The following MGAT4C variants were observed in gnomAD, a reference collection of about 807,000 sequenced individuals.
MGAT4C encodes the protein alpha-1,3-mannosyl-glycoprotein 4-beta-N-acetylglucosaminyltransferase C.
A neutral mutation model predicts 40.1 loss-of-function variants in MGAT4C; 19 were observed. The ratio of observed to expected loss-of-function variants is 0.47; its 90% confidence interval spans 0.33 to 0.70. The LOEUF (loss-of-function observed/expected upper bound fraction) is 0.70. Among genes scored for constraint, MGAT4C ranks in the 30% least tolerant of loss-of-function variants. The probability of loss-of-function intolerance (pLI) is 0.02; values close to 1 mark genes in which losing one functional copy is unlikely to be tolerated. For missense variants in MGAT4C, 491 were observed against 563.2 expected (o/e 0.87, Z 1.30); for synonymous variants, 181 against 187.1 (o/e 0.97, Z 0.27).
At chr12:86,635,065 G>T (rs902803967) in intron 2 of MGAT4C, among the ~76,000 whole-genome samples, 3 of 151,990 alleles carry the variant, frequency 2.0e-5, no homozygotes, top group Admixed American at 2.0e-4. Context: ...TAGTATCTTT[G>T]TGCCTCCTAT....
At chr12:86,594,061 A>G (rs942124791) in intron 2 of MGAT4C, among the ~76,000 whole-genome samples, 2 of 152,188 alleles carry the variant, frequency 1.3e-5, no homozygotes. Flanking sequence ...TTAGGGTTCC[A>G]GTATACTCCG....
chr12:86,047,316 A>G (rs572242446), intron 2 of MGAT4C, among the ~76,000 whole-genome samples: 1 of 152,296 alleles, frequency 6.6e-6, no homozygotes, highest in African/African-American at 2.4e-5. Flanking sequence ...AAGACTGCAT[A>G]TTGGATCTAT....
At chr12:86,627,781 T>C (rs946418176) in intron 2 of MGAT4C, among the ~76,000 whole-genome samples, 4 of 152,040 alleles carry the variant, frequency 2.6e-5, no homozygotes, top group Admixed American at 1.3e-4. Context: ...ACCACACAGA[T>C]GGGGAGAAAC....
chr12:86,128,437 A>T (rs1566022807), intron 1 of MGAT4C, among the ~76,000 whole-genome samples: 1 of 151,932 alleles, frequency 6.6e-6, no homozygotes, highest in African/African-American at 2.4e-5. Flanking sequence ...CTGCTTTTGC[A>T]TCTTCCTCAT....
intron 2 of MGAT4C, among the ~76,000 whole-genome samples, 155 bp from the exon 3 acceptor site, chr12:85,989,707 C>A (rs1019103631): frequency 6.6e-6 from 1 of 151,852 alleles, no homozygotes; most frequent in Non-Finnish European, 1.5e-5. Flanking sequence ...TGGCACAGAT[C>A]ATTAATTAAT....
intron 2 of MGAT4C, among the ~76,000 whole-genome samples, chr12:86,504,184 T>C (rs925396179): frequency 6.6e-6 from 1 of 152,040 alleles, no homozygotes; most frequent in African/African-American, 2.4e-5. Context: ...AGTGAGGATG[T>C]AGAACAATTT....
chr12:86,710,749 C>T (rs1950542051), intron 2 of MGAT4C, among the ~76,000 whole-genome samples: 1 of 152,130 alleles, frequency 6.6e-6, no homozygotes, highest in Non-Finnish European at 1.5e-5. Context: ...ATGTTTATAG[C>T]AGCACAATTC....
At chr12:86,707,638 C>A (rs1020385385) in intron 2 of MGAT4C, among the ~76,000 whole-genome samples, 1 of 151,758 alleles carries the variant, frequency 6.6e-6, no homozygotes, top group African/African-American at 2.4e-5. Context: ...TCAAGTGATT[C>A]TCCTGCCTCG....
intron 2 of MGAT4C, among the ~76,000 whole-genome samples, chr12:86,047,988 T>A (rs1378430753): frequency 6.6e-6 from 1 of 151,906 alleles, no homozygotes; most frequent in African/African-American, 2.4e-5. Flanking sequence ...ATGAAATTGA[T>A]CATGAACAAC....
intron 2 of MGAT4C, among the ~76,000 whole-genome samples, chr12:86,555,026 C>G (rs1959541130): frequency 6.6e-6 from 1 of 151,934 alleles, no homozygotes; most frequent in Non-Finnish European, 1.5e-5. Flanking sequence ...TTTTCTTTCT[C>G]TCTCTGACCT....
intron 1 of MGAT4C, among the ~76,000 whole-genome samples, chr12:86,814,103 G>C (rs1034927406): frequency 2.0e-5 from 3 of 151,552 alleles, no homozygotes; most frequent in Non-Finnish European, 2.9e-5. Flanking sequence ...GTAGAGACAG[G>C]GTTTCACCGT....
At chr12:86,031,121 C>A (rs570880425) in intron 2 of MGAT4C, among the ~76,000 whole-genome samples, 1 of 150,274 alleles carries the variant, frequency 6.7e-6, no homozygotes, top group African/African-American at 2.4e-5. Context: ...TTTTTTTTTT[C>A]TTTTGAGTAC....
In MGAT4C at chr12:86,391,982, T is replaced by A. The variant is rs58830019; in HGVS notation, c.-120+43175A>T. On this transcript the variant is annotated intron_variant, in intron 3 of 7. Coordinates refer to the MGAT4C transcript ENST00000548651. Reference sequence around the variant, plus strand: ...ATAATGAGTCATTTATTTATCTTTTTAAAATTCTAGTTTTCTTACTGATGA... The same window carrying A: ...ATAATGAGTCATTTATTTATCTTTTAAAAATTCTAGTTTTCTTACTGATGA... Among the ~76,000 whole-genome samples the A allele has an allele frequency of 3.2e-3, 490 of 152,352 alleles. 2 individuals are homozygous for A. Among genetic ancestry groups the A allele is most frequent in the African/African-American group, 0.011 (477 of 41,584 alleles).
At chr12:86,781,014 G>A (rs988982970) in intron 1 of MGAT4C, among the ~76,000 whole-genome samples, 1 of 18,144 alleles carries the variant, frequency 5.5e-5, no homozygotes, top group African/African-American at 7.9e-5. Flanking sequence ...GCTGAGTATT[G>A]TGTGTGTGTG....
At chr12:86,509,179 T>C (rs1958527415) in intron 2 of MGAT4C, among the ~76,000 whole-genome samples, 1 of 152,098 alleles carries the variant, frequency 6.6e-6, no homozygotes, top group Admixed American at 6.5e-5. Context: ...TCTTCTAGGG[T>C]TTTTATGGTT....
intron 1 of MGAT4C, among the ~76,000 whole-genome samples, chr12:86,735,539 T>G (rs1049650461): frequency 2.6e-5 from 4 of 151,894 alleles, no homozygotes; most frequent in Admixed American, 2.0e-4. Context: ...CTGTGATGGA[T>G]AGATTTCTAT....
At chr12:86,642,142 A>T (rs1963409660) in intron 2 of MGAT4C, among the ~76,000 whole-genome samples, 1 of 151,852 alleles carries the variant, frequency 6.6e-6, no homozygotes, top group Non-Finnish European at 1.5e-5. Context: ...TGGAGATAAG[A>T]AGGAATTAAT....
intron 2 of MGAT4C, among the ~76,000 whole-genome samples, chr12:86,502,035 G>A (rs968902966): frequency 2.0e-5 from 3 of 151,906 alleles, no homozygotes; most frequent in African/African-American, 7.3e-5. Context: ...TTTAAAATTA[G>A]GACTCATGAT....
chr12:86,388,186 G>T lies in MGAT4C; in HGVS notation c.-120+46971C>A, dbSNP rs1474195673. On this transcript the variant is annotated intron_variant, in intron 3 of 7. Transcript: ENST00000548651. ...AATAGAGTTCTCATTCTATCAGGAA[G>T]ATGTGAAGAAAATTAGAAGCTTTTC... 2.6e-5 allele frequency among the ~76,000 whole-genome samples: 4 copies of T among 152,114 alleles called. No homozygotes were observed. In the East Asian group the frequency reaches 7.7e-4, roughly 29 times the overall value.
Sources: allele counts gnomAD v4.1 joint callset (sites outside exome capture counted in the v4.1 genomes callset), GRCh38; gene constraint gnomAD v4.1.1; transcripts MANE v1.5; gene names NCBI Gene and HGNC (gene_info 2026-07-23, HGNC 2026-07-21).